The following XIRP2 variants were observed in gnomAD, a reference collection of about 807,000 sequenced individuals.
XIRP2 encodes the protein xin actin-binding repeat-containing protein 2.
XIRP2 carries 236 observed loss-of-function variants against 277.0 expected under a neutral mutation model. The ratio of observed to expected loss-of-function variants is 0.85; its 90% CI spans 0.77 to 0.95. The LOEUF (loss-of-function observed/expected upper bound fraction) is 0.95, where lower values mean the gene tolerates loss of function less well. Among genes scored for constraint, XIRP2 ranks in the 40% least tolerant of loss-of-function variants. XIRP2 has a pLI of 0.00. For synonymous variants in XIRP2, 1,490 were observed against 1,416.5 expected, an observed-to-expected ratio of 1.05 and a Z score of -1.17; for missense variants, 4,640 against 4,157.5, an observed-to-expected ratio of 1.12 and a Z score of -3.19.
chr2:166,890,639 A>G (rs182748950), intron 1 of XIRP2, among the ~76,000 whole-genome samples: 3 of 152,168 alleles, frequency 2.0e-5, no homozygotes, highest in African/African-American at 7.2e-5. Context: ...CAAATTTTGC[A>G]TGCTTCTTTT....
intron 4 of XIRP2, among the ~76,000 whole-genome samples, chr2:167,212,198 A>G (rs941784162): frequency 6.6e-6 from 1 of 152,222 alleles, no homozygotes; most frequent in African/African-American, 2.4e-5. Flanking sequence ...ATCACTTCCA[A>G]AATAAACAGT....
chr2:166,910,449 G>A (rs550143064), intron 2 of XIRP2, among the ~76,000 whole-genome samples: 35 of 151,890 alleles, frequency 2.3e-4, no homozygotes, highest in Non-Finnish European at 4.3e-4. Context: ...CTGTGGGATC[G>A]GTGGTGATAT....
At position 167,258,225 on chromosome 2, in the gene XIRP2, A is replaced by G; in HGVS notation, c.*408A>G. The G allele has an allele frequency of 6.2e-7, 1 of 1,613,080 alleles. No individual in the cohort carries two copies. Among genetic ancestry groups the G allele is most frequent in the Non-Finnish European group, 8.5e-7 (1 of 1,179,568 alleles). On this transcript the variant is annotated 3_prime_UTR_variant, in exon 11 of 11. Transcript: ENST00000409195. Reference sequence around the variant, plus strand: ...TTTGAGGAAGAGCTCAAAATGAGTAAACCTAAGTGGCCACCTGAAATGACA... The same window carrying G: ...TTTGAGGAAGAGCTCAAAATGAGTAGACCTAAGTGGCCACCTGAAATGACA...
intron 3 of XIRP2, among the ~76,000 whole-genome samples, chr2:167,182,237 C>T (rs1318929883): frequency 6.6e-6 from 1 of 152,106 alleles, no homozygotes; most frequent in East Asian, 1.9e-4. Flanking sequence ...TTGCCAAATC[C>T]TAATTGGTGG....
intron 2 of XIRP2, among the ~76,000 whole-genome samples, chr2:166,927,079 T>G (rs1685208733): frequency 6.6e-6 from 1 of 152,146 alleles, no homozygotes; most frequent in Non-Finnish European, 1.5e-5. Flanking sequence ...TGGGGCTATT[T>G]TCAAGTAGGA....
chr2:167,039,000 A>G (rs1217658317), intron 2 of XIRP2, among the ~76,000 whole-genome samples: 1 of 152,218 alleles, frequency 6.6e-6, no homozygotes, highest in Non-Finnish European at 1.5e-5. Context: ...CTGTTTTTCT[A>G]CATTTTTTTC....
At chr2:166,899,326 G>T (rs927583152) in intron 1 of XIRP2, among the ~76,000 whole-genome samples, 1 of 151,884 alleles carries the variant, frequency 6.6e-6, no homozygotes, top group Non-Finnish European at 1.5e-5. Flanking sequence ...AATTGTGTTG[G>T]TTAACTTCTC....
intron 2 of XIRP2, among the ~76,000 whole-genome samples, chr2:167,117,874 G>A (rs1420820964): frequency 6.6e-6 from 1 of 152,132 alleles, no homozygotes; most frequent in Non-Finnish European, 1.5e-5. Context: ...TCTTTATTAA[G>A]TTTTGCAATA....
At chr2:167,214,997 T>C (rs1044832590) in intron 4 of XIRP2, among the ~76,000 whole-genome samples, 1 of 152,200 alleles carries the variant, frequency 6.6e-6, no homozygotes, top group East Asian at 1.9e-4. Flanking sequence ...CTTGCCAGAT[T>C]AATTTGCACA....
At chr2:167,069,623 C>A (rs1048345457) in intron 2 of XIRP2, among the ~76,000 whole-genome samples, 1 of 152,068 alleles carries the variant, frequency 6.6e-6, no homozygotes, top group African/African-American at 2.4e-5. Flanking sequence ...CATGAAGTCT[C>A]CCAAGCCCCT....
chr2:167,011,086 TG>T (rs1208514766), intron 2 of XIRP2, among the ~76,000 whole-genome samples: 6 of 151,338 alleles, frequency 4.0e-5, no homozygotes, highest in African/African-American at 1.5e-4. Context: ...CTAATTGCCC[TG>T]GCCAGAACTT....
intron 2 of XIRP2, among the ~76,000 whole-genome samples, chr2:167,050,385 T>C (rs910911739): frequency 6.6e-6 from 1 of 152,070 alleles, no homozygotes; most frequent in African/African-American, 2.4e-5. Flanking sequence ...ATTAATACAC[T>C]CAAGGATTTT....
chr2:167,162,661 A>C (rs774095539), intron 3 of XIRP2, among the ~76,000 whole-genome samples: 4 of 152,178 alleles, frequency 2.6e-5, no homozygotes, highest in Non-Finnish European at 5.9e-5. Context: ...AACCAGTTTA[A>C]TATTCTGCTT....
At position 167,243,018 on chromosome 2, in the gene XIRP2, C is replaced by T; in HGVS notation, c.1626C>T (p.Ala542=). 1 of 1,613,908 alleles carries T rather than the reference C, an allele frequency of 6.2e-7. No individual in the cohort carries two copies. The highest frequency in any genetic ancestry group is 1.1e-5 in the South Asian group (1 of 91,076). The change falls in exon 9 of 11, where the codon GCC becomes GCT. Residue 542 remains alanine (A), a synonymous_variant. Transcript: ENST00000409195. ...CAGTCTCAGCAGATGTGCAACAAGCCCGGTATGTTTTTGAAAACACAAATG... is the reference window on the plus strand; with the variant it reads ...CAGTCTCAGCAGATGTGCAACAAGCTCGGTATGTTTTTGAAAACACAAATG... ...GSSVSADVQQ[A]RYVFENTNDS... is the part of the protein sequence containing the mutation.
chr2:167,073,547 T>C lies in XIRP2; in HGVS notation c.409-62362T>C, dbSNP rs75531915. Among the ~76,000 whole-genome samples the C allele has an allele frequency of 3.3e-3, 497 of 152,230 alleles. 2 individuals are homozygous for C. The highest frequency in any genetic ancestry group is 9.6e-3 in the African/African-American group (401 of 41,560). On this transcript the variant is annotated intron_variant, in intron 2 of 10. Coordinates refer to ENST00000409195, the MANE Select transcript of XIRP2 (RefSeq NM_152381.6). ...GAGCTTTGAAGTCCTGACAACTAGA[T>C]ACCAGTGTCATTATATTCATTATTT...
chr2:167,249,836 T>G lies in XIRP2; in HGVS notation c.8444T>G (p.Leu2815Arg), dbSNP rs751488961. ...TTTAGCGGATCTGACAGAGGGAAACTTCCAGGAAGTGAAGAAAAAAATCAG... is the reference window on the plus strand; with the variant it reads ...TTTAGCGGATCTGACAGAGGGAAACGTCCAGGAAGTGAAGAAAAAAATCAG... ...REFSGSDRGKLPGSEEKNQGP... is the reference protein window; with the variant it reads ...REFSGSDRGKRPGSEEKNQGP... Residue 2815 changes from leucine to arginine, a missense_variant, in exon 9 of 11, where the codon CTT (leucine) becomes CGT (arginine). Physicochemically the swap from Leu to Arg is moderately radical, Grantham distance 102 (BLOSUM62 -2). Transcript: ENST00000409195. 1 of 1,613,328 alleles carries G rather than the reference T, an allele frequency of 6.2e-7. No individual in the cohort carries two copies. The highest frequency in any genetic ancestry group is 8.5e-7 in the Non-Finnish European group (1 of 1,179,706).
intron 2 of XIRP2, among the ~76,000 whole-genome samples, chr2:166,931,486 C>T (rs909149968): frequency 2.6e-5 from 4 of 152,138 alleles, no homozygotes; most frequent in Admixed American, 2.6e-4. Context: ...TTTCCAGCAC[C>T]ACTTTTAAAC....
At chr2:166,897,142 T>C (rs986658941) in intron 1 of XIRP2, among the ~76,000 whole-genome samples, 1 of 152,222 alleles carries the variant, frequency 6.6e-6, no homozygotes, top group African/African-American at 2.4e-5. Context: ...CTTCTTTCTT[T>C]CTGAAAGACT....
chr2:167,009,244 T>G (rs1048333885), intron 2 of XIRP2, among the ~76,000 whole-genome samples: 14 of 118,684 alleles, frequency 1.2e-4, no homozygotes, highest in African/African-American at 3.5e-4. Context: ...CCCCAGAGTG[T>G]GATGTTCCCC....
Sources: allele counts gnomAD v4.1 joint callset (sites outside exome capture counted in the v4.1 genomes callset), GRCh38; gene constraint gnomAD v4.1.1; transcripts MANE v1.5; gene names NCBI Gene and HGNC (gene_info 2026-07-23, HGNC 2026-07-21).